The following KDM3A variants were observed in gnomAD, a reference collection of about 807,000 sequenced individuals.
KDM3A encodes the protein lysine demethylase 3A, also known as lysine-specific demethylase 3A.
Under a neutral mutation model 158.0 loss-of-function variants are expected in KDM3A, and 60 were observed. The ratio of observed to expected loss-of-function variants is 0.38; its 90% CI spans 0.31 to 0.47. KDM3A has a LOEUF of 0.47. Ranked by LOEUF, KDM3A falls within the 20% of genes least tolerant of loss-of-function variation. The probability of loss-of-function intolerance (pLI) is 0.99; values close to 1 mark genes in which losing one functional copy is unlikely to be tolerated. For synonymous variants in KDM3A, 608 were observed against 549.3 expected (o/e 1.11, Z -1.49); for missense variants, 1,319 against 1,574.3 (o/e 0.84, Z 2.74).
intron 8 of KDM3A, 41 bp downstream of exon 8, chr2:86,457,112 C>G (rs1294332283): frequency 1.2e-6 from 1 of 836,684 alleles, no homozygotes; most frequent in African/African-American, 1.8e-5. Flanking sequence ...CTTTCCTTAA[C>G]TCCAACATTG....
chr2:86,469,537 G>A (rs182014152), intron 10 of KDM3A, among the ~76,000 whole-genome samples: 10 of 152,090 alleles, frequency 6.6e-5, no homozygotes, highest in East Asian at 5.8e-4. Flanking sequence ...CAAATTCTCC[G>A]GCCTATTACA....
chr2:86,441,739 A>G (rs1558598870), intron 1 of KDM3A, among the ~76,000 whole-genome samples: 1 of 150,794 alleles, frequency 6.6e-6, no homozygotes, highest in East Asian at 1.9e-4. Flanking sequence ...AATCCACTCG[A>G]GCCGCAGATA....
At chr2:86,469,723 C>T (rs974214401) in intron 10 of KDM3A, among the ~76,000 whole-genome samples, 1 of 152,086 alleles carries the variant, frequency 6.6e-6, no homozygotes, top group Non-Finnish European at 1.5e-5. Context: ...GAAAGTGATT[C>T]GTTTATTGTT....
At chr2:86,479,449 G>A (rs1673818417) in intron 15 of KDM3A, 1 of 152,124 alleles carries the variant, frequency 6.6e-6, no homozygotes, top group African/African-American at 2.4e-5. Context: ...TGTTACTTTG[G>A]CTGAAGTGAG....
Position 86,482,771 on chromosome 2 carries a change from A to G in KDM3A, c.2922+77A>G. ...CCTTTAGCAGACTTCTGACAACCCC[A>G]CCCCAGGCTTTCCCCCTCCTTCACC... On this transcript the variant is annotated intron_variant, in intron 18 of 25. Transcript: ENST00000312912. 3.7e-6 allele frequency: 5 copies of G among 1,353,526 alleles called. No individual in the cohort carries two copies. The South Asian group carries it at 6.3e-5, about 17-fold the overall frequency. 83.8% of individuals were successfully genotyped at this position (1,353,526 alleles called of 1,614,324 possible).
At chr2:86,479,956 T>C (rs1673842790) in intron 15 of KDM3A, 1 of 576,564 alleles carries the variant, frequency 1.7e-6, no homozygotes, top group East Asian at 2.9e-5. Context: ...AATACCTTGC[T>C]GTGTTTAAGT....
intron 21 of KDM3A, chr2:86,488,501 G>A (rs1160321236): frequency 6.6e-6 from 1 of 152,242 alleles, no homozygotes; most frequent in Non-Finnish European, 1.5e-5. Flanking sequence ...GGGGGCCCTG[G>A]TCCCAAGCTG....
chr2:86,483,655 C>T (rs1195328624), intron 18 of KDM3A: 2 of 164,482 alleles, frequency 1.2e-5, no homozygotes, highest in African/African-American at 4.8e-5. Context: ...CCCTGTTTCA[C>T]TGGTGACTGG....
intron 8 of KDM3A, among the ~76,000 whole-genome samples, chr2:86,462,918 T>C (rs1306022900): frequency 1.3e-5 from 2 of 152,170 alleles, no homozygotes; most frequent in South Asian, 2.1e-4. Flanking sequence ...AGCAAAATCC[T>C]GTCTCTACTA....
At chr2:86,489,689 G>C (rs114511398) in intron 23 of KDM3A, 30 bp downstream of exon 23, 1 of 1,587,532 alleles carries the variant, frequency 6.3e-7, no homozygotes, top group African/African-American at 1.4e-5. Flanking sequence ...TGTGAACAGA[G>C]GCATAAGGAA....
chr2:86,443,851 T>C (rs1018413174), intron 2 of KDM3A, among the ~76,000 whole-genome samples: 1 of 152,250 alleles, frequency 6.6e-6, no homozygotes. Flanking sequence ...TTTGGGCTTA[T>C]AACCTTTCTG....
chr2:86,484,065 G>C lies in KDM3A; in HGVS notation c.3001G>C (p.Glu1001Gln), dbSNP rs1264387300. Residue 1001 changes from glutamate (E) to glutamine (Q), a missense_variant, in exon 19 of 26, where the codon GAG becomes CAG. Physicochemically the swap from Glu to Gln is conservative, Grantham distance 29 (BLOSUM62 2). Around this residue, in one of 4 missense-constraint regions of KDM3A, gnomAD observed 368 missense variants for 415.8 expected, o/e 0.89. Coordinates refer to ENST00000312912, the MANE Select transcript of KDM3A (RefSeq NM_018433.6). Reference sequence around the variant, plus strand: ...TGAATCCTTCAGGAAAGAGTTTGGTGAGCAGGAAGTAGACCTAGTTAATTG... The same window carrying C: ...TGAATCCTTCAGGAAAGAGTTTGGTCAGCAGGAAGTAGACCTAGTTAATTG... ...KPESFRKEFG[E>Q]QEVDLVNCRT... is the part of the protein sequence containing the mutation. 1 of 1,614,026 alleles carries C rather than the reference G, an allele frequency of 6.2e-7. No individual in the cohort carries two copies. Among genetic ancestry groups the C allele is most frequent in the Admixed American group, 1.7e-5 (1 of 60,018 alleles).
rs1673575117 is a variant in KDM3A, at chr2:86,474,701, T to TTGTGTC, written c.1725-70_1725-69insCTGTGT. On this transcript the variant is annotated intron_variant, in intron 11 of 25. Coordinates refer to ENST00000312912, the MANE Select transcript of KDM3A (RefSeq NM_018433.6). Reference sequence around the variant, plus strand: ...AAAGTAATTACAAGTTGTAAATAAGTTGTGTGTGTGTGTGTGTGTGTGTGT... The same window carrying TTGTGTC: ...AAAGTAATTACAAGTTGTAAATAAGTTGTGTCTGTGTGTGTGTGTGTGTGTGTGTGT... 6 of 429,138 alleles carry TTGTGTC rather than the reference T, an allele frequency of 1.4e-5. No homozygotes were observed. The South Asian group carries it at 1.5e-4, about 11-fold the overall frequency. 26.6% of individuals were successfully genotyped at this position (429,138 alleles called of 1,614,324 possible).
intron 8 of KDM3A, among the ~76,000 whole-genome samples, chr2:86,460,294 C>A (rs1259216784): frequency 6.6e-6 from 1 of 152,098 alleles, no homozygotes; most frequent in Non-Finnish European, 1.5e-5. Context: ...TGTATTATAA[C>A]TATTATTCCA....
chr2:86,474,656 T>G, intron 11 of KDM3A, 120 bp from the exon 12 acceptor site: 1 of 652,114 alleles, frequency 1.5e-6, no homozygotes, highest in South Asian at 1.9e-5. Context: ...AGAGCGAGAC[T>G]CCATCCCAAA....
At chr2:86,438,439 CTACAGTTAATGACAATATATTGTAT>C, upstream of KDM3A, among the ~76,000 whole-genome samples, 1 of 151,894 alleles carries the variant, frequency 6.6e-6, no homozygotes, top group South Asian at 2.1e-4. Flanking sequence ...ATCATGGTGA[CTACAGTTAATGACAATATATTGTAT>C]ATTTGAAAAT....
chr2:86,489,755 T>C lies in KDM3A; in HGVS notation c.3573+96T>C, dbSNP rs1299309746. On this transcript the variant is annotated intron_variant, in intron 23 of 25. Coordinates refer to ENST00000312912, the MANE Select transcript of KDM3A (RefSeq NM_018433.6). ...CTGACTGGCTTGGCTAGGGGAATTG[T>C]CACAACCTGAAAAGTTAAATCTGTA... 4.4e-6 allele frequency: 6 copies of C among 1,374,358 alleles called. No individual in the cohort carries two copies. The African/African-American group carries it at 7.3e-5, about 17-fold the overall frequency. The allele number at this position is 1,374,358 out of a possible 1,614,324, so 85.1% of individuals were successfully genotyped here.
intron 16 of KDM3A, 56 bp from the exon 17 acceptor site, chr2:86,481,874 T>G (rs1673946589): frequency 2.2e-6 from 3 of 1,362,982 alleles, no homozygotes. Context: ...AGAATACTAA[T>G]AAGGGATTTG....
intron 5 of KDM3A, 48 bp from the exon 6 acceptor site, chr2:86,456,394 A>G: frequency 7.7e-7 from 1 of 1,300,232 alleles, no homozygotes. Flanking sequence ...TGCTATTGGG[A>G]GATAATGCAA....
Sources: gnomAD v4.1 joint callset for allele counts (sites outside exome capture counted in the v4.1 genomes callset) on GRCh38, gnomAD v4.1.1 for gene constraint, gnomAD v4.1.1 regional missense constraint, MANE v1.5 for transcripts, NCBI Gene and HGNC (gene_info 2026-07-23, HGNC 2026-07-21) for gene names.